The following FANCA variants were observed in gnomAD, a reference collection of about 807,000 sequenced individuals.
FANCA encodes FA complementation group A, also known as Fanconi anemia group A protein.
A neutral mutation model predicts 194.3 loss-of-function variants in FANCA; 236 were observed. The observed-to-expected ratio is 1.21, with a 90% CI of 1.09 to 1.35. FANCA has a LOEUF of 1.35. FANCA is among the 40% of genes most tolerant of loss of function. FANCA has a pLI of 0.00. For synonymous variants in FANCA, 1,014 were observed against 715.8 expected (o/e 1.42, Z -6.65); for missense variants, 2,628 against 1,813.9 (o/e 1.45, Z -8.15).
chr16:89,753,452 C>G (rs1480893638), intron 30 of FANCA, among the ~76,000 whole-genome samples: 1 of 152,198 alleles, frequency 6.6e-6, no homozygotes, highest in Non-Finnish European at 1.5e-5. Context: ...CGGGGCTGGT[C>G]CCTACACAAG....
intron 33 of FANCA, among the ~76,000 whole-genome samples, chr16:89,747,218 A>G (rs1209415381): frequency 3.3e-5 from 5 of 152,220 alleles, no homozygotes; most frequent in Admixed American, 2.0e-4. Flanking sequence ...GGACGACACT[A>G]ATACCAAGGG....
At chr16:89,741,192 T>C (rs2062124734) in intron 37 of FANCA, among the ~76,000 whole-genome samples, 2 of 152,158 alleles carry the variant, frequency 1.3e-5, no homozygotes, top group African/African-American at 4.8e-5. Flanking sequence ...AGGCCTCCTG[T>C]CAGAAGTGTT....
intron 8 of FANCA, among the ~76,000 whole-genome samples, 182 bp downstream of exon 8, chr16:89,803,077 G>T (rs2040512144): frequency 6.6e-6 from 1 of 152,186 alleles, no homozygotes; most frequent in Non-Finnish European, 1.5e-5. Context: ...CATACTGGAG[G>T]TGACGGAGAC....
At chr16:89,769,472 G>C (rs954171668) in intron 26 of FANCA, among the ~76,000 whole-genome samples, 1 of 152,178 alleles carries the variant, frequency 6.6e-6, no homozygotes, top group African/African-American at 2.4e-5. Context: ...TACTCACCAT[G>C]GGGTGCCGAA....
chr16:89,783,532 C>T (rs2039793707), intron 15 of FANCA, among the ~76,000 whole-genome samples: 4 of 147,862 alleles, frequency 2.7e-5, no homozygotes, highest in Non-Finnish European at 1.5e-5. Context: ...GCCTGGGTGA[C>T]ACAGTGAGAC....
At chr16:89,758,175 C>A (rs1490941152) in intron 30 of FANCA, among the ~76,000 whole-genome samples, 3 of 152,158 alleles carry the variant, frequency 2.0e-5, no homozygotes, top group Admixed American at 2.0e-4. Context: ...TCGCTTCTGA[C>A]AAGTCTATAC....
chr16:89,799,365 C>T (rs2040361524), intron 9 of FANCA, 133 bp from the exon 10 acceptor site: 2 of 1,069,998 alleles, frequency 1.9e-6, no homozygotes, highest in South Asian at 1.3e-5. Context: ...AAGACTTCTA[C>T]AATCTGTAGG....
intron 33 of FANCA, among the ~76,000 whole-genome samples, chr16:89,747,107 C>T (rs144826382): frequency 6.6e-6 from 1 of 152,328 alleles, no homozygotes; most frequent in East Asian, 1.9e-4. Flanking sequence ...CTGCAGCCCA[C>T]CAGCTCTGGC....
At chr16:89,765,990 T>G (rs1363123778) in intron 27 of FANCA, among the ~76,000 whole-genome samples, 2 of 148,606 alleles carry the variant, frequency 1.3e-5, no homozygotes, top group Non-Finnish European at 3.0e-5. Context: ...TGAAAACCAT[T>G]ATTTATTTAT....
intron 21 of FANCA, among the ~76,000 whole-genome samples, chr16:89,775,195 C>G (rs944460592): frequency 6.6e-6 from 1 of 152,134 alleles, no homozygotes; most frequent in Non-Finnish European, 1.5e-5. Context: ...AAGCCACACA[C>G]TTCAAGAAAA....
intron 21 of FANCA, among the ~76,000 whole-genome samples, chr16:89,774,595 T>G (rs1478194987): frequency 1.3e-5 from 2 of 151,148 alleles, no homozygotes; most frequent in South Asian, 2.1e-4. Flanking sequence ...CCGGGTGTGG[T>G]GGCGGGCGCC....
chr16:89,738,074 A>C lies in FANCA; in HGVS notation c.*527T>G. The C allele has an allele frequency of 6.2e-7, 1 of 1,614,076 alleles. No homozygotes were observed. The highest frequency in any genetic ancestry group is 8.5e-7 in the Non-Finnish European group (1 of 1,180,024). On this transcript the variant is annotated 3_prime_UTR_variant, in exon 43 of 43. Coordinates refer to ENST00000389301, the MANE Select transcript of FANCA (RefSeq NM_000135.4). ...ACTGAGCTGGACTTTGCCTGTGACC[A>C]GTGTGGCCGGCGGTTTGAGAAGGCC...
chr16:89,777,665 T>G (rs1452005760), intron 20 of FANCA, among the ~76,000 whole-genome samples: 1 of 152,166 alleles, frequency 6.6e-6, no homozygotes, highest in African/African-American at 2.4e-5. Context: ...ACTTTCCTAT[T>G]TCTTCCAAAG....
chr16:89,779,782 A>G, intron 18 of FANCA, 87 bp downstream of exon 18: 1 of 1,107,876 alleles, frequency 9.0e-7, no homozygotes, highest in Admixed American at 1.8e-5. Flanking sequence ...TGCAGGCATC[A>G]GAGCAGAGTC....
intron 11 of FANCA, 60 bp downstream of exon 11, chr16:89,795,838 CCAAGGCAA>C (rs1235073847): frequency 4.2e-6 from 5 of 1,180,084 alleles, no homozygotes; most frequent in Non-Finnish European, 6.4e-6. Context: ...GTCAGCGTTA[CCAAGGCAA>C]CAAGGCAACA....
chr16:89,798,996 C>T lies in FANCA; in HGVS notation c.893+170G>A, dbSNP rs45494792. ...GGAAAAGGCTGACCAGAGCGTTCCC[C>T]GGGCTTTCCCATGGTCGCCTCCTCC... On this transcript the variant is annotated intron_variant, in intron 10 of 42. Transcript: ENST00000389301. The T allele has an allele frequency of 2.3e-3, 3,694 of 1,614,064 alleles. 13 individuals are homozygous for T. The highest frequency in any genetic ancestry group is 2.9e-3 in the Non-Finnish European group (3,428 of 1,180,010).
chr16:89,767,338 G>C (rs17233127), intron 26 of FANCA, 101 bp from the exon 27 acceptor site: 24 of 832,818 alleles, frequency 2.9e-5, no homozygotes, highest in Non-Finnish European at 4.4e-5. Context: ...AGTGCATTCC[G>C]AACTGGATGG....
intron 14 of FANCA, among the ~76,000 whole-genome samples, chr16:89,786,333 A>G (rs2143487919): frequency 6.6e-6 from 1 of 152,232 alleles, no homozygotes; most frequent in South Asian, 2.1e-4. Flanking sequence ...ACAGGTGTGC[A>G]CCACCATGCC....
intron 21 of FANCA, 24 bp downstream of exon 21, chr16:89,775,718 T>C (rs1161031070): frequency 1.3e-6 from 2 of 1,594,078 alleles, no homozygotes; most frequent in South Asian, 1.1e-5. Flanking sequence ...AGTCCCAGAG[T>C]GGACAAGCGG....
Sources: gnomAD v4.1 joint callset for allele counts (sites outside exome capture counted in the v4.1 genomes callset) on GRCh38, gnomAD v4.1.1 for gene constraint, MANE v1.5 for transcripts, NCBI Gene and HGNC (gene_info 2026-07-23, HGNC 2026-07-21) for gene names.